The following AUTS2 variants were observed in gnomAD, a reference collection of about 807,000 sequenced individuals.
The protein encoded by AUTS2 is activator of transcription and developmental regulator AUTS2.
Under a neutral mutation model 112.4 loss-of-function variants are expected in AUTS2, and 17 were observed. The ratio of observed to expected loss-of-function variants is 0.15; its 90% CI spans 0.10 to 0.23. The LOEUF (loss-of-function observed/expected upper bound fraction) is 0.23, where lower values mean the gene tolerates loss of function less well. AUTS2 is among the 10% of genes least tolerant of loss of function. AUTS2 has a pLI of 1.00. For missense variants in AUTS2, 1,510 were observed against 1,701.6 expected, an observed-to-expected ratio of 0.89 and a Z score of 1.98; for synonymous variants, 751 against 702.7, an observed-to-expected ratio of 1.07 and a Z score of -1.09.
intron 1 of AUTS2, among the ~76,000 whole-genome samples, chr7:69,816,500 CCCCG>C (rs1436785376): frequency 1.3e-5 from 2 of 152,180 alleles, no homozygotes; most frequent in Non-Finnish European, 2.9e-5. Context: ...AGCTCTTCGG[CCCCG>C]TGCACAGCAT....
chr7:69,940,613 C>T (rs150709600), intron 2 of AUTS2, among the ~76,000 whole-genome samples: 9 of 152,230 alleles, frequency 5.9e-5, no homozygotes, highest in East Asian at 1.9e-4. Context: ...TAAGGACAAA[C>T]GGAGCATTCA....
chr7:70,515,696 CCT>C (rs914414901), intron 5 of AUTS2, among the ~76,000 whole-genome samples: 1 of 151,796 alleles, frequency 6.6e-6, no homozygotes, highest in Non-Finnish European at 1.5e-5. Context: ...CCTGACTCTC[CCT>C]CTCTCTCTCT....
At chr7:70,025,377 A>G (rs1239849231) in intron 2 of AUTS2, among the ~76,000 whole-genome samples, 1 of 150,652 alleles carries the variant, frequency 6.6e-6, no homozygotes, top group Non-Finnish European at 1.5e-5. Flanking sequence ...ATATTCCCCC[A>G]TCACTGTCAT....
At chr7:70,497,339 A>G (rs1321258478) in intron 5 of AUTS2, among the ~76,000 whole-genome samples, 1 of 152,170 alleles carries the variant, frequency 6.6e-6, no homozygotes, top group Non-Finnish European at 1.5e-5. Flanking sequence ...CATCACGTAC[A>G]CAGTCGCACA....
chr7:69,852,721 G>A (rs1562928771), intron 1 of AUTS2, among the ~76,000 whole-genome samples: 1 of 152,138 alleles, frequency 6.6e-6, no homozygotes, highest in African/African-American at 2.4e-5. Flanking sequence ...CCAAAGTGCT[G>A]GGATTATAGG....
chr7:70,310,928 A>G (rs1364591510), intron 4 of AUTS2, among the ~76,000 whole-genome samples: 14 of 152,212 alleles, frequency 9.2e-5, no homozygotes, highest in Admixed American at 9.2e-4. Flanking sequence ...TTTTTAAAAA[A>G]TGGCAAGCGT....
chr7:70,082,611 C>T (rs2129565236), intron 2 of AUTS2, among the ~76,000 whole-genome samples: 1 of 152,276 alleles, frequency 6.6e-6, no homozygotes, highest in Admixed American at 6.5e-5. Flanking sequence ...GAATGAGAAA[C>T]CTGGCCTTTT....
At chr7:70,003,276 TG>T in intron 2 of AUTS2, among the ~76,000 whole-genome samples, 1 of 126,540 alleles carries the variant, frequency 7.9e-6, no homozygotes, top group South Asian at 2.3e-4. Flanking sequence ...ATTATATATG[TG>T]AATATATATA....
chr7:70,538,392 G>T (rs995219917), intron 5 of AUTS2, among the ~76,000 whole-genome samples: 1 of 152,066 alleles, frequency 6.6e-6, no homozygotes, highest in Admixed American at 6.5e-5. Context: ...GTCGGGTGTG[G>T]TGGCAGGCGG....
intron 5 of AUTS2, among the ~76,000 whole-genome samples, chr7:70,507,158 T>C (rs1381340744): frequency 1.3e-5 from 2 of 152,224 alleles, no homozygotes; most frequent in African/African-American, 2.4e-5. Flanking sequence ...AACTCAGTTT[T>C]AGCCTACCTT....
chr7:69,959,454 A>T (rs1423656851), intron 2 of AUTS2, among the ~76,000 whole-genome samples: 2 of 152,148 alleles, frequency 1.3e-5, no homozygotes, highest in Non-Finnish European at 2.9e-5. Flanking sequence ...TTCAATATCT[A>T]TGTATATCAA....
intron 4 of AUTS2, among the ~76,000 whole-genome samples, chr7:70,172,827 T>C (rs1306830063): frequency 6.6e-6 from 1 of 152,260 alleles, no homozygotes; most frequent in Non-Finnish European, 1.5e-5. Context: ...GATTAATAAA[T>C]GATAATTGAT....
intron 5 of AUTS2, among the ~76,000 whole-genome samples, chr7:70,568,148 A>T (rs1023794432): frequency 6.6e-6 from 1 of 152,170 alleles, no homozygotes; most frequent in African/African-American, 2.4e-5. Flanking sequence ...AGAATAAGTC[A>T]CTTTGGTCTT....
At chr7:70,264,361 C>G (rs1380825068) in intron 4 of AUTS2, among the ~76,000 whole-genome samples, 1 of 152,120 alleles carries the variant, frequency 6.6e-6, no homozygotes, top group Non-Finnish European at 1.5e-5. Flanking sequence ...GCATGCACCA[C>G]TACACCCAGC....
chr7:70,239,522 A>G (rs1313098895), intron 4 of AUTS2, among the ~76,000 whole-genome samples: 2 of 151,856 alleles, frequency 1.3e-5, no homozygotes, highest in African/African-American at 2.4e-5. Context: ...TGCAACCTCT[A>G]CCTCCGGAGT....
rs992928748 is a variant in AUTS2 at position 70,791,524 on chromosome 7, T to G, written c.*528T>G. On this transcript the variant is annotated 3_prime_UTR_variant, in exon 19 of 19. Coordinates refer to ENST00000342771, the MANE Select transcript of AUTS2 (RefSeq NM_015570.4). ...TCTTAAAATGTGCTATTTGCAAACT[T>G]ACTTAATATCAGTGAACACAGTCGG... The G allele has an allele frequency of 2.5e-5, 3 of 119,224 alleles. No individual in the cohort carries two copies. Among genetic ancestry groups the G allele is most frequent in the Non-Finnish European group, 6.2e-5 (3 of 48,244 alleles). The allele number at this position is 119,224 out of a possible 1,614,324, so 7.4% of individuals were successfully genotyped here. A position where few individuals can be genotyped will look rare whatever the true frequency, so the allele number is the denominator to read the frequency against.
Position 70,777,164 on chromosome 7 carries a change from A to G in AUTS2, c.1994A>G (p.Gln665Arg). The change falls in exon 14 of 19, where the codon CAG (glutamine) becomes CGG (arginine). Residue 665 changes from glutamine to arginine, a missense_variant. This residue lies in a region of AUTS2 where 187 missense variants were observed against 309.7 expected (regional missense o/e 0.60). Transcript: ENST00000342771. ...HIAWQIYHHQQKVKKQMQSDP... is the reference protein window; with the variant it reads ...HIAWQIYHHQRKVKKQMQSDP... ...GCCTGGCAGATTTACCACCACCAACAGAAAGTCAAGGTCAGTCCGACCTTC... is the reference window on the plus strand; with the variant it reads ...GCCTGGCAGATTTACCACCACCAACGGAAAGTCAAGGTCAGTCCGACCTTC... 4 of 1,614,114 alleles carry G rather than the reference A, an allele frequency of 2.5e-6. No homozygotes were observed. The highest frequency in any genetic ancestry group is 3.4e-6 in the Non-Finnish European group (4 of 1,179,992).
At chr7:69,792,220 CGTTAA>C (rs1562886025) in intron 1 of AUTS2, among the ~76,000 whole-genome samples, 2 of 150,418 alleles carry the variant, frequency 1.3e-5, no homozygotes. Context: ...TAGGCAAACA[CGTTAA>C]GTTGTTGTTT....
chr7:70,760,764 C>G (rs1789519039), intron 6 of AUTS2, among the ~76,000 whole-genome samples: 1 of 152,232 alleles, frequency 6.6e-6, no homozygotes, highest in African/African-American at 2.4e-5. Flanking sequence ...AGAAGCCTTT[C>G]AATTTCAGCT....
Sources: gnomAD v4.1 joint callset for allele counts (sites outside exome capture counted in the v4.1 genomes callset) on GRCh38, gnomAD v4.1.1 for gene constraint, gnomAD v4.1.1 regional missense constraint, MANE v1.5 for transcripts, NCBI Gene and HGNC (gene_info 2026-07-23, HGNC 2026-07-21) for gene names.